CNTNAP3: variants seen among roughly 807,000 people sequenced by gnomAD.
CNTNAP3 encodes contactin-associated protein-like 3.
Under a neutral mutation model 92.1 loss-of-function variants are expected in CNTNAP3, and 36 were observed. The observed-to-expected ratio is 0.39, with a 90% CI of 0.30 to 0.52. The LOEUF is 0.52. Among genes scored for constraint, CNTNAP3 ranks in the 20% least tolerant of loss-of-function variants. The pLI is 0.76. For synonymous variants in CNTNAP3, 232 were observed against 422.3 expected (o/e 0.55, Z 5.53); for missense variants, 534 against 1,069.6 (o/e 0.50, Z 6.98).
At position 39,087,708 on chromosome 9, in the gene CNTNAP3, G is replaced by A. The variant is rs578091500; in HGVS notation, c.3220+715C>T. Among the ~76,000 whole-genome samples, 95 of 152,178 alleles carry A rather than the reference G, an allele frequency of 6.2e-4. 1 individual carries two copies. Among genetic ancestry groups the A allele is most frequent in the African/African-American group, 2.2e-3 (90 of 41,516 alleles). ...TCACTGTGTTAGCCAGGATGGTCTC[G>A]ATTTCCTGACCTCGTGATCCGCCTG... On this transcript the variant is annotated intron_variant, in intron 19 of 23. Coordinates refer to ENST00000297668, the MANE Select transcript of CNTNAP3 (RefSeq NM_033655.5).
At position 39,140,597 on chromosome 9, in the gene CNTNAP3, T is replaced by C; in HGVS notation, c.1798A>G (p.Asn600Asp). 6.2e-7 allele frequency: 1 copy of C among 1,613,522 alleles called. No individual in the cohort carries two copies. The change falls in exon 12 of 24, where the codon AAC becomes GAC. Residue 600 changes from asparagine to aspartate, a missense_variant. Asn to Asp is a conservative substitution (Grantham distance 23). Transcript: ENST00000297668. ...TCAATATAGTAAAGCCCAGACGGGT[T>C]CCCTCGGTGCTTGTGGGCTTCACAA... Reference protein sequence around the residue: ...QSCEAHKHRGNPSGLYYIDAD... With the variant: ...QSCEAHKHRGDPSGLYYIDAD...
chr9:39,131,653 C>G (rs1275883757), intron 13 of CNTNAP3, among the ~76,000 whole-genome samples: 2 of 152,160 alleles, frequency 1.3e-5, no homozygotes, highest in African/African-American at 4.8e-5. Flanking sequence ...CGGTGAAACC[C>G]CGTCTCTACT....
intron 16 of CNTNAP3, 42 bp from the exon 17 acceptor site, chr9:39,102,757 G>T (rs1826493907): frequency 8.8e-6 from 6 of 680,538 alleles, no homozygotes; most frequent in Non-Finnish European, 1.6e-5. Context: ...CAAATTCACA[G>T]AAAATTGAGT....
chr9:39,140,850 A>G (rs1821557828), intron 11 of CNTNAP3, among the ~76,000 whole-genome samples: 1 of 152,214 alleles, frequency 6.6e-6, no homozygotes, highest in South Asian at 2.1e-4. Flanking sequence ...AAAATTACCT[A>G]GTCAAAATAC....
intron 14 of CNTNAP3, 50 bp from the exon 15 acceptor site, chr9:39,109,337 G>T (rs753549695): frequency 6.2e-7 from 1 of 1,602,788 alleles, no homozygotes; most frequent in South Asian, 1.1e-5. Flanking sequence ...TAACATACGG[G>T]CAAAATTAAC....
chr9:39,179,286 T>TACACACACACACACACACAC (rs4057871), intron 4 of CNTNAP3, among the ~76,000 whole-genome samples: 31 of 80,754 alleles, frequency 3.8e-4, no homozygotes, highest in East Asian at 2.1e-3. Flanking sequence ...TCTCTCTCTC[T>TACACACACACACACACACAC]ACACACACAC....
chr9:39,112,633 G>C lies in CNTNAP3; in HGVS notation c.2238-3346C>G, dbSNP rs866932473. ...CCCGCCTTGGCCTCCCAAAGTGCTG[G>C]GATAACAGGTGTGAGCCACCGCGCC... On this transcript the variant is annotated intron_variant, in intron 14 of 23. Coordinates refer to ENST00000297668, the MANE Select transcript of CNTNAP3 (RefSeq NM_033655.5). 6.2e-4 allele frequency among the ~76,000 whole-genome samples: 94 copies of C among 152,230 alleles called. No individual in the cohort carries two copies. In the Middle Eastern group the frequency reaches 0.014, roughly 22 times the overall value.
chr9:39,149,217 G>T (rs1338877616), intron 10 of CNTNAP3, among the ~76,000 whole-genome samples: 1 of 152,140 alleles, frequency 6.6e-6, no homozygotes, highest in Non-Finnish European at 1.5e-5. Context: ...GTGTGGGGTT[G>T]CAAAAGCGAG....
At chr9:39,161,655 AC>A (rs1822073966) in intron 9 of CNTNAP3, among the ~76,000 whole-genome samples, 1 of 106,994 alleles carries the variant, frequency 9.3e-6, no homozygotes, top group Admixed American at 9.1e-5. Context: ...GTCTCTACAA[AC>A]AATAATAATA....
rs1461442717 is a variant in CNTNAP3 at position 39,088,553 on chromosome 9, TGAA to T, written c.3087_3089del (p.Ser1030del). 1 of 1,597,466 alleles carries T rather than the reference TGAA, an allele frequency of 6.3e-7. No homozygotes were observed. The highest frequency in any genetic ancestry group is 8.5e-7 in the Non-Finnish European group (1 of 1,179,778). ...TGGTCAATGTTACATCTCTGTGTAA[TGAA>T]GAAACGAGAGAGCTGGAGTTTTCAC... On this transcript the variant is annotated inframe_deletion, in exon 19 of 24. Coordinates refer to ENST00000297668, the MANE Select transcript of CNTNAP3 (RefSeq NM_033655.5).
intron 18 of CNTNAP3, among the ~76,000 whole-genome samples, chr9:39,095,296 G>T (rs555164217): frequency 6.6e-6 from 1 of 151,614 alleles, no homozygotes; most frequent in African/African-American, 2.4e-5. Context: ...CCCTTCTATT[G>T]AAATTTGGAT....
rs1169502202 is a variant in CNTNAP3, at chr9:39,066,349, T to C, written c.*7541A>G. Among the ~76,000 whole-genome samples the C allele has an allele frequency of 1.3e-5, 2 of 152,180 alleles. No homozygotes were observed. The highest frequency in any genetic ancestry group is 3.8e-4 in the East Asian group (2 of 5,202). On this transcript the variant is annotated 3_prime_UTR_variant, in exon 24 of 24. Coordinates refer to ENST00000297668, the MANE Select transcript of CNTNAP3 (RefSeq NM_033655.5). ...CAGAACTCACATGACACTGCTATTA[T>C]TTCTAAACAGCCAATTATCTTTAAA... is the stretch of plus-strand genomic sequence containing the variant.
chr9:39,096,059 C>T (rs1223115847), intron 18 of CNTNAP3, among the ~76,000 whole-genome samples: 4 of 145,256 alleles, frequency 2.8e-5, no homozygotes, highest in Admixed American at 6.7e-5. Context: ...TACAGCCTTG[C>T]TCCCATCTGT....
intron 13 of CNTNAP3, among the ~76,000 whole-genome samples, chr9:39,125,510 TAATAA>T (rs781488010): frequency 9.2e-5 from 14 of 152,092 alleles, no homozygotes; most frequent in African/African-American, 1.2e-4. Flanking sequence ...GGTATGATAA[TAATAA>T]AATAAAAGAC....
At chr9:39,145,397 A>G (rs1310815107) in intron 10 of CNTNAP3, among the ~76,000 whole-genome samples, 1 of 143,380 alleles carries the variant, frequency 7.0e-6, no homozygotes, top group Non-Finnish European at 1.6e-5. Flanking sequence ...GGAGCGGCAG[A>G]GGCGGGGAGC....
At chr9:39,154,869 C>T (rs565173426) in intron 9 of CNTNAP3, 9 of 223,380 alleles carry the variant, frequency 4.0e-5, no homozygotes, top group East Asian at 1.5e-4. Context: ...GATGCCTTTC[C>T]GGTGGGGAAG....
intron 15 of CNTNAP3, among the ~76,000 whole-genome samples, chr9:39,105,271 CA>C (rs538656518): frequency 4.6e-5 from 7 of 152,114 alleles, no homozygotes; most frequent in African/African-American, 1.7e-4. Context: ...ACTAAAAATA[CA>C]AAAAATTAGC....
At chr9:39,098,189 A>G (rs913241482) in intron 18 of CNTNAP3, among the ~76,000 whole-genome samples, 16 of 146,000 alleles carry the variant, frequency 1.1e-4, no homozygotes, top group Non-Finnish European at 2.4e-4. Context: ...GTATTCTGAG[A>G]GAGAAAAGTT....
At chr9:39,094,660 A>C (rs895123570) in intron 18 of CNTNAP3, among the ~76,000 whole-genome samples, 2 of 151,528 alleles carry the variant, frequency 1.3e-5, no homozygotes, top group African/African-American at 4.8e-5. Context: ...GACTGTATGT[A>C]CGTAGGTTTA....
Sources: allele counts gnomAD v4.1 joint callset (sites outside exome capture counted in the v4.1 genomes callset), GRCh38; gene constraint gnomAD v4.1.1; transcripts MANE v1.5; gene names NCBI Gene and HGNC (gene_info 2026-07-23, HGNC 2026-07-21).